PCDHA7: variants seen among roughly 807,000 people sequenced by gnomAD.
PCDHA7 encodes protocadherin alpha 7.
Under a neutral mutation model 57.2 loss-of-function variants are expected in PCDHA7, and 37 were observed. The observed-to-expected ratio is 0.65, with a 90% confidence interval of 0.50 to 0.85. PCDHA7 has a LOEUF of 0.85. Ranked by LOEUF, PCDHA7 falls within the 40% of genes least tolerant of loss-of-function variation. The pLI is 0.00. For synonymous variants in PCDHA7, 553 were observed against 558.8 expected (o/e 0.99, Z 0.15); for missense variants, 1,188 against 1,241.8 (o/e 0.96, Z 0.65).
Position 140,876,461 on chromosome 5 carries a change from T to C in PCDHA7, c.2355+39723T>C, listed in dbSNP as rs782233071. 28 of 1,613,936 alleles carry C rather than the reference T, an allele frequency of 1.7e-5. No homozygotes were observed. In the East Asian group the frequency reaches 5.8e-4, roughly 33 times the overall value. ...GCCATTGATAAAGGGATTCCTTCCA[T>C]GGCAGGTCACAGCATGGTCCTGGTG... On this transcript the variant is annotated intron_variant, in intron 1 of 3. Coordinates refer to ENST00000525929, the MANE Select transcript of PCDHA7 (RefSeq NM_018910.3).
chr5:140,843,329 G>A, intron 1 of PCDHA7: 3 of 1,596,060 alleles, frequency 1.9e-6, no homozygotes, highest in Non-Finnish European at 2.6e-6. Flanking sequence ...GGTGTCGCTG[G>A]TGGAGAGCGG....
chr5:141,011,924 AG>A lies in PCDHA7; in HGVS notation c.*1989del, dbSNP rs1246091886. Reference sequence around the variant, plus strand: ...ATTTAGGCATTAATATAAAAGAGGTAGGAGTCTGTTATTTAAAAAAAGCATT... The same window carrying A: ...ATTTAGGCATTAATATAAAAGAGGTAGAGTCTGTTATTTAAAAAAAGCATT... On this transcript the variant is annotated 3_prime_UTR_variant, in exon 4 of 4. Coordinates refer to ENST00000525929, the MANE Select transcript of PCDHA7 (RefSeq NM_018910.3). 1 of 153,728 alleles carries A rather than the reference AG, an allele frequency of 6.5e-6. No homozygotes were observed. Among genetic ancestry groups the A allele is most frequent in the Non-Finnish European group, 1.5e-5 (1 of 68,042 alleles). 9.5% of individuals were successfully genotyped at this position (153,728 alleles called of 1,614,324 possible).
chr5:140,889,547 T>C (rs2062267601), intron 1 of PCDHA7, among the ~76,000 whole-genome samples: 1 of 152,192 alleles, frequency 6.6e-6, no homozygotes, highest in Non-Finnish European at 1.5e-5. Context: ...TCTAATTTAC[T>C]TTTCTTCAGA....
At chr5:140,920,411 T>G (rs533328116) in intron 1 of PCDHA7, among the ~76,000 whole-genome samples, 39 of 152,352 alleles carry the variant, frequency 2.6e-4, no homozygotes, top group Middle Eastern at 3.4e-3. Flanking sequence ...TTTAATCAGA[T>G]ACAGCTGTTC....
At chr5:140,904,064 G>C (rs1238949756) in intron 1 of PCDHA7, among the ~76,000 whole-genome samples, 2 of 151,906 alleles carry the variant, frequency 1.3e-5, no homozygotes, top group Non-Finnish European at 2.9e-5. Context: ...TGGGTTTTTG[G>C]GGAACAGTAT....
At chr5:140,918,982 G>C (rs1554198889) in intron 1 of PCDHA7, among the ~76,000 whole-genome samples, 1 of 152,188 alleles carries the variant, frequency 6.6e-6, no homozygotes, top group Non-Finnish European at 1.5e-5. Flanking sequence ...AGGTTAGTTG[G>C]TTTTTAGTGT....
chr5:140,858,350 A>C (rs1160044351), intron 1 of PCDHA7: 1 of 1,594,392 alleles, frequency 6.3e-7, no homozygotes, highest in East Asian at 2.2e-5. Context: ...GGCGGACCTC[A>C]TGGCCTTCAG....
Position 140,856,390 on chromosome 5 carries a change from G to A in PCDHA7, c.2355+19652G>A, listed in dbSNP as rs2043967931. On this transcript the variant is annotated intron_variant, in intron 1 of 3. Coordinates refer to ENST00000525929, the MANE Select transcript of PCDHA7 (RefSeq NM_018910.3). ...AGGTGATCGTGGACAGGCCGCTGCA[G>A]GTTTTCCATGTGGACGTGGAAGTGA... is the stretch of plus-strand genomic sequence containing the variant. 3 of 1,598,440 alleles carry A rather than the reference G, an allele frequency of 1.9e-6. 1 individual carries two copies. The highest frequency in any genetic ancestry group is 2.6e-6 in the Non-Finnish European group (3 of 1,167,994).
chr5:140,870,879 G>A (rs1554164779), intron 1 of PCDHA7: 1 of 1,613,952 alleles, frequency 6.2e-7, no homozygotes, highest in East Asian at 2.2e-5. Flanking sequence ...TGGTGGCGAA[G>A]GTGCGCGCAG....
chr5:140,883,860 T>C, intron 1 of PCDHA7: 2 of 1,613,044 alleles, frequency 1.2e-6, no homozygotes, highest in Non-Finnish European at 1.7e-6. Flanking sequence ...CTGGAGCTGT[T>C]GCAGTTCCAG....
intron 1 of PCDHA7, chr5:140,849,824 G>C: frequency 6.3e-7 from 1 of 1,598,646 alleles, no homozygotes; most frequent in East Asian, 2.2e-5. Context: ...GGGTGTCTGT[G>C]GAGGTGGCCG....
intron 1 of PCDHA7, chr5:140,841,467 C>A: frequency 6.2e-7 from 1 of 1,612,946 alleles, no homozygotes; most frequent in Non-Finnish European, 8.5e-7. Context: ...GGCCGGATCG[C>A]GCAGGACCTG....
chr5:140,841,857 T>G (rs182904804), intron 1 of PCDHA7: 1 of 1,613,742 alleles, frequency 6.2e-7, no homozygotes, highest in Non-Finnish European at 8.5e-7. Context: ...GATTACTTCA[T>G]GCTAGATGTG....
chr5:140,862,809 G>C (rs782185253), intron 1 of PCDHA7: 2 of 572,722 alleles, frequency 3.5e-6, no homozygotes, highest in South Asian at 1.4e-5. Context: ...AGCTGCTGCA[G>C]TTCTAGGTGA....
In PCDHA7 at chr5:140,836,627, G is replaced by A. The variant is rs1580852478; in HGVS notation, c.2244G>A (p.Trp748Ter). 7 of 1,613,588 alleles carry A rather than the reference G, an allele frequency of 4.3e-6. No individual in the cohort carries two copies. In the East Asian group the frequency reaches 1.3e-4, roughly 31 times the overall value. The change falls in exon 1 of 4, where the codon TGG (tryptophan) becomes TGA (stop). Residue 748 changes from tryptophan (W) to a stop codon, truncating the protein, a stop_gained. Coordinates refer to ENST00000525929, the MANE Select transcript of PCDHA7 (RefSeq NM_018910.3). LOFTEE classifies it high-confidence loss of function. ...TLVCSSAVGS[W>*]SFSQQRRQRV... ...TGTGCTCCAGCGCGGTGGGGAGCTG[G>A]TCATTCTCCCAGCAGAGGCGGCAGA...
At chr5:140,934,502 A>G (rs1311901724) in intron 1 of PCDHA7, among the ~76,000 whole-genome samples, 2 of 152,144 alleles carry the variant, frequency 1.3e-5, no homozygotes, top group Non-Finnish European at 2.9e-5. Flanking sequence ...TAAACACCCA[A>G]AGGGTCCATA....
chr5:140,913,526 A>T (rs1171997127), intron 1 of PCDHA7, among the ~76,000 whole-genome samples: 1 of 151,968 alleles, frequency 6.6e-6, no homozygotes, highest in Non-Finnish European at 1.5e-5. Flanking sequence ...TTATCTTTTC[A>T]AAAGATTGAC....
chr5:140,877,992 A>C, intron 1 of PCDHA7: 1 of 1,096,636 alleles, frequency 9.1e-7, no homozygotes, highest in South Asian at 2.1e-5. Context: ...TTGAACTTTT[A>C]TGTATTTGTC....
Position 140,850,710 on chromosome 5 carries a change from C to G in PCDHA7, c.2355+13972C>G, listed in dbSNP as rs2150495455. ...CGAGTGCGCGCCTGGCAAGCCGACG[C>G]TGGTGTGTTCTAGCGCGGTGGGGAG... On this transcript the variant is annotated intron_variant, in intron 1 of 3. Coordinates refer to ENST00000525929, the MANE Select transcript of PCDHA7 (RefSeq NM_018910.3). 14 of 1,598,036 alleles carry G rather than the reference C, an allele frequency of 8.8e-6. 1 individual carries two copies. Among genetic ancestry groups the G allele is most frequent in the Non-Finnish European group, 1.2e-5 (14 of 1,167,676 alleles).
Sources: gnomAD v4.1 joint callset for allele counts (sites outside exome capture counted in the v4.1 genomes callset) on GRCh38, gnomAD v4.1.1 for gene constraint, MANE v1.5 for transcripts, NCBI Gene and HGNC (gene_info 2026-07-23, HGNC 2026-07-21) for gene names.